WDR36: variants seen among roughly 807,000 people sequenced by gnomAD.
The protein encoded by WDR36 is WD repeat-containing protein 36.
A neutral mutation model predicts 112.7 loss-of-function variants in WDR36; 63 were observed. The observed-to-expected ratio is 0.56, with a 90% CI of 0.46 to 0.69. The LOEUF is 0.69. Ranked by LOEUF, WDR36 falls within the 30% of genes least tolerant of loss-of-function variation. The pLI is 0.00. For missense variants in WDR36, 1,226 were observed against 1,070.3 expected, an observed-to-expected ratio of 1.15 and a Z score of -2.03; for synonymous variants, 410 against 362.2, an observed-to-expected ratio of 1.13 and a Z score of -1.50.
At chr5:111,113,194 C>G in intron 16 of WDR36, 41 bp downstream of exon 16, 1 of 1,278,900 alleles carries the variant, frequency 7.8e-7, no homozygotes. Flanking sequence ...TATAAGATTT[C>G]TAAGTTATTT....
At chr5:111,111,434 G>A in intron 15 of WDR36, 156 bp downstream of exon 15, 1 of 666,964 alleles carries the variant, frequency 1.5e-6, no homozygotes, top group Non-Finnish European at 2.6e-6. Context: ...TGAATTAAAA[G>A]TTTAATATTT....
At chr5:111,108,269 T>C (rs1408190235) in intron 12 of WDR36, among the ~76,000 whole-genome samples, 5 of 151,158 alleles carry the variant, frequency 3.3e-5, no homozygotes, top group Admixed American at 1.3e-4. Context: ...TTTTGTTTTG[T>C]TTTTTTATTT....
Position 111,126,942 on chromosome 5 carries a change from TCTTATTTTC to T in WDR36, c.*61_*69del. ...TTAAATGGGTTCAATTGAACTCATT[TCTTATTTTC>T]CAAGTGTCAATGTGAAAAGAAAATA... is the stretch of plus-strand genomic sequence containing the variant. On this transcript the variant is annotated 3_prime_UTR_variant, in exon 23 of 23. Transcript: ENST00000513710. The T allele has an allele frequency of 6.9e-7, 1 of 1,459,162 alleles. No homozygotes were observed. The highest frequency in any genetic ancestry group is 9.2e-7 in the Non-Finnish European group (1 of 1,083,284). The allele number at this position is 1,459,162 out of a possible 1,614,324, so 90.4% of individuals were successfully genotyped here.
At chr5:111,099,648 A>G (rs1034746435) in intron 4 of WDR36, among the ~76,000 whole-genome samples, 2 of 151,948 alleles carry the variant, frequency 1.3e-5, no homozygotes, top group Non-Finnish European at 2.9e-5. Context: ...ATTAGGTTAC[A>G]GGATCTGGTT....
chr5:111,111,477 A>G, intron 15 of WDR36, 199 bp downstream of exon 15: 2 of 527,178 alleles, frequency 3.8e-6, no homozygotes, highest in South Asian at 2.1e-5. Context: ...ATTAAAGTAT[A>G]AGTTTTAGAA....
chr5:111,108,605 A>G (rs562795424), intron 12 of WDR36, among the ~76,000 whole-genome samples: 2 of 151,524 alleles, frequency 1.3e-5, no homozygotes, highest in African/African-American at 4.8e-5. Context: ...AGTGGTAATT[A>G]TAATCACAGG....
chr5:111,095,017 C>T (rs1752946263), intron 2 of WDR36, 70 bp downstream of exon 2: 1 of 1,418,856 alleles, frequency 7.0e-7, no homozygotes, highest in African/African-American at 1.4e-5. Context: ...AAATGTGAGA[C>T]TTACAGAGCA....
chr5:111,113,241 A>G (rs1332728317), intron 16 of WDR36, 88 bp downstream of exon 16: 11 of 747,562 alleles, frequency 1.5e-5, no homozygotes, highest in Admixed American at 5.8e-5. Context: ...TTAATGGGTT[A>G]TATGCTTTTT....
chr5:111,126,882 A>G lies in WDR36; in HGVS notation c.2687A>G (p.Ter896=). The change falls in exon 23 of 23, where the codon TAA becomes TGA. Residue 896 remains the stop codon, a stop_retained_variant. Transcript: ENST00000513710. ...ILNYLKSALL[*] is the part of the protein sequence containing the mutation. ...AATTATCTCAAAAGTGCTTTGTTGT[A>G]AAAATAAATTTGTGACTAAACAAAG... 1.3e-6 allele frequency: 2 copies of G among 1,596,380 alleles called. No individual in the cohort carries two copies. Among genetic ancestry groups the G allele is most frequent in the Non-Finnish European group, 1.7e-6 (2 of 1,171,184 alleles).
At chr5:111,105,591 C>G (rs1217846582) in intron 10 of WDR36, among the ~76,000 whole-genome samples, 1 of 151,528 alleles carries the variant, frequency 6.6e-6, no homozygotes, top group Non-Finnish European at 1.5e-5. Context: ...TAAAAACATA[C>G]TGCTGCCACC....
In WDR36 at chr5:111,129,943, CAT is replaced by C. The variant is rs570496642; in HGVS notation, c.*3063_*3064del. On this transcript the variant is annotated 3_prime_UTR_variant, in exon 23 of 23. Transcript: ENST00000513710. ...AAATTCATTTATTGAAAAGTCCACT[CAT>C]ATGTCTGATTTGAAATGCTGTTTCA... 1.4e-5 allele frequency: 3 copies of C among 210,584 alleles called. 1 individual carries two copies. In the South Asian group the frequency reaches 5.7e-4, roughly 40 times the overall value. The allele number at this position is 210,584 out of a possible 1,614,324, so 13.0% of individuals were successfully genotyped here. A position where few individuals can be genotyped will look rare whatever the true frequency, so the allele number is the denominator to read the frequency against.
At position 111,119,098 on chromosome 5, in the gene WDR36, G is replaced by T; in HGVS notation, c.1882G>T (p.Asp628Tyr). ...TGDFLATSHV[D>Y]HLGIYLWSNI... ...AGACTTTCTGGCAACTTCCCATGTG[G>T]ACCACCTTGGAATTTATCTATGGTA... Residue 628 changes from aspartate (D) to tyrosine (Y), a missense_variant, in exon 17 of 23, where the codon GAC becomes TAC. Asp to Tyr is a radical substitution (Grantham distance 160, BLOSUM62 -3). Transcript: ENST00000513710. 1 of 1,612,972 alleles carries T rather than the reference G, an allele frequency of 6.2e-7. No homozygotes were observed. Among genetic ancestry groups the T allele is most frequent in the South Asian group, 1.1e-5 (1 of 91,040 alleles).
rs1203998251 is a variant in WDR36, at chr5:111,104,824, T to C, written c.1027+7T>C. 1.2e-6 allele frequency: 2 copies of C among 1,610,516 alleles called. No individual in the cohort carries two copies. The highest frequency in any genetic ancestry group is 4.5e-5 in the East Asian group (2 of 44,792). Reference sequence around the variant, plus strand: ...CAGCAGATTCTAAGTGCAAGTGAGCTTCTGCTTCATACTATTAGTTTATTT... The same window carrying C: ...CAGCAGATTCTAAGTGCAAGTGAGCCTCTGCTTCATACTATTAGTTTATTT... On this transcript the variant is annotated splice_region_variant and intron_variant, in intron 9 of 22. Coordinates refer to ENST00000513710, the MANE Select transcript of WDR36 (RefSeq NM_139281.3).
intron 15 of WDR36, among the ~76,000 whole-genome samples, chr5:111,111,873 A>T (rs1433809140): frequency 1.3e-5 from 2 of 151,954 alleles, no homozygotes; most frequent in African/African-American, 2.4e-5. Flanking sequence ...TATTAAGTGT[A>T]TATTATCATC....
intron 11 of WDR36, among the ~76,000 whole-genome samples, chr5:111,106,845 A>G (rs1753229791): frequency 6.6e-6 from 1 of 151,294 alleles, no homozygotes; most frequent in Non-Finnish European, 1.5e-5. Context: ...AGAAGATACT[A>G]CACTTACTTG....
At position 111,125,783 on chromosome 5, in the gene WDR36, A is replaced by C. The variant is rs143259642; in HGVS notation, c.2526A>C (p.Ala842=). ...TTGAGTTAGCCCAGGCATACCTTGC[A>C]TTGTTTCTAAAGGTAAGTCTAATGT... ...RDFELAQAYL[A]LFLKLHLKML... is the part of the protein sequence containing the mutation. Residue 842 remains alanine, a synonymous_variant, in exon 22 of 23, where the codon GCA becomes GCC. Coordinates refer to ENST00000513710, the MANE Select transcript of WDR36 (RefSeq NM_139281.3). The C allele has an allele frequency of 6.2e-7, 1 of 1,613,720 alleles. No individual in the cohort carries two copies.
At chr5:111,117,672 G>A (rs1323473213) in intron 16 of WDR36, among the ~76,000 whole-genome samples, 1 of 152,154 alleles carries the variant, frequency 6.6e-6, no homozygotes, top group Non-Finnish European at 1.5e-5. Context: ...GATTCGATTA[G>A]TTAGCACGCT....
intron 19 of WDR36, among the ~76,000 whole-genome samples, chr5:111,123,280 GAA>G (rs1296284921): frequency 3.9e-5 from 6 of 152,074 alleles, no homozygotes; most frequent in African/African-American, 1.2e-4. Context: ...AGGTACTAAA[GAA>G]AAAATTCCAG....
intron 16 of WDR36, among the ~76,000 whole-genome samples, chr5:111,118,478 G>A (rs1753500522): frequency 2.0e-5 from 3 of 152,084 alleles, no homozygotes; most frequent in Admixed American, 2.0e-4. Context: ...TCTAGAGACT[G>A]AATTTTCATG....
Sources: gnomAD v4.1 joint callset for allele counts (sites outside exome capture counted in the v4.1 genomes callset) on GRCh38, gnomAD v4.1.1 for gene constraint, MANE v1.5 for transcripts, NCBI Gene and HGNC (gene_info 2026-07-23, HGNC 2026-07-21) for gene names.